Variants in ESRRG observed in about 807,000 individuals in gnomAD.
The protein encoded by ESRRG is estrogen related receptor gamma, also known as estrogen-related receptor gamma.
Under a neutral mutation model 44.0 loss-of-function variants are expected in ESRRG, and 13 were observed. The ratio of observed to expected loss-of-function variants is 0.30; its 90% CI spans 0.19 to 0.47. ESRRG has a LOEUF of 0.47. ESRRG is among the 20% of genes least tolerant of loss of function. ESRRG has a pLI of 1.00. For synonymous variants in ESRRG, 215 were observed against 214.6 expected, an observed-to-expected ratio of 1.00 and a Z score of -0.02; for missense variants, 395 against 580.6, an observed-to-expected ratio of 0.68 and a Z score of 3.29.
At chr1:216,727,821 A>T (rs928744097), upstream of ESRRG, among the ~76,000 whole-genome samples, 1 of 152,140 alleles carries the variant, frequency 6.6e-6, no homozygotes, top group Admixed American at 6.6e-5. Context: ...TATAAAAAAA[A>T]GCCCATTCTC....
intron 5 of ESRRG, among the ~76,000 whole-genome samples, chr1:216,548,223 T>C (rs531819997): frequency 6.6e-6 from 1 of 152,216 alleles, no homozygotes; most frequent in African/African-American, 2.4e-5. Context: ...CCTGCCCACC[T>C]GTATGGCATG....
chr1:216,733,674 G>C (rs1212436805), intron 2 of ESRRG, among the ~76,000 whole-genome samples: 1 of 151,928 alleles, frequency 6.6e-6, no homozygotes, highest in Non-Finnish European at 1.5e-5. Context: ...ACAATATTTA[G>C]CAACACAATC....
intron 2 of ESRRG, among the ~76,000 whole-genome samples, chr1:216,797,814 C>T (rs2094514372): frequency 6.6e-6 from 1 of 152,136 alleles, no homozygotes; most frequent in Admixed American, 6.5e-5. Context: ...TGGCCAGCTT[C>T]TCCACTGTAA....
chr1:216,777,246 A>C (rs2093649325), intron 2 of ESRRG, among the ~76,000 whole-genome samples: 1 of 152,142 alleles, frequency 6.6e-6, no homozygotes, highest in Admixed American at 6.6e-5. Context: ...CTACTCCTCC[A>C]GCAGTGAGGA....
chr1:216,882,645 A>T (rs2576264), intron 2 of ESRRG, among the ~76,000 whole-genome samples: 1 of 151,996 alleles, frequency 6.6e-6, no homozygotes, highest in Non-Finnish European at 1.5e-5. Context: ...TAGGATTTCA[A>T]CTGTATTTGG....
At chr1:216,707,219 A>G in intron 1 of ESRRG, 1 of 911,518 alleles carries the variant, frequency 1.1e-6, no homozygotes, top group South Asian at 1.7e-5. Context: ...ACTGTCTTAC[A>G]TGATCTTTAA....
intron 1 of ESRRG, among the ~76,000 whole-genome samples, chr1:216,945,236 G>GA (rs1460168038): frequency 6.6e-6 from 1 of 152,046 alleles, no homozygotes; most frequent in Non-Finnish European, 1.5e-5. Flanking sequence ...GATGAGAAGA[G>GA]AGAGTGCTGA....
intron 5 of ESRRG, among the ~76,000 whole-genome samples, chr1:216,563,893 A>G (rs2059227211): frequency 6.6e-6 from 1 of 152,172 alleles, no homozygotes; most frequent in Admixed American, 6.5e-5. Flanking sequence ...AGTGAAAAGA[A>G]AAAGTAGAAG....
intron 3 of ESRRG, among the ~76,000 whole-genome samples, chr1:216,595,247 G>T (rs1395982058): frequency 6.6e-6 from 1 of 152,114 alleles, no homozygotes; most frequent in Non-Finnish European, 1.5e-5. Flanking sequence ...ACCTGGGAAG[G>T]CTTACTTATG....
intron 1 of ESRRG, among the ~76,000 whole-genome samples, chr1:216,708,579 G>C (rs2151945401): frequency 6.6e-6 from 1 of 152,274 alleles, no homozygotes; most frequent in Middle Eastern, 3.4e-3. Flanking sequence ...TGCTGGAGAG[G>C]ATGTGGAGAA....
At chr1:217,036,000 G>C (rs906955347) in intron 1 of ESRRG, among the ~76,000 whole-genome samples, 1 of 152,134 alleles carries the variant, frequency 6.6e-6, no homozygotes, top group African/African-American at 2.4e-5. Context: ...AATGGACAAA[G>C]GACATGAACA....
Position 217,053,692 on chromosome 1 carries a change from G to C in ESRRG, c.-106+35815C>G, listed in dbSNP as rs116264452. Among the ~76,000 whole-genome samples, 1,131 of 152,162 alleles carry C rather than the reference G, an allele frequency of 7.4e-3. 18 individuals are homozygous for C. The highest frequency in any genetic ancestry group is 0.026 in the African/African-American group (1,077 of 41,516). On this transcript the variant is annotated intron_variant, in intron 1 of 7. Coordinates refer to the ESRRG transcript ENST00000359162. Reference sequence around the variant, plus strand: ...GCATGACAAATAAATTATTGGCCTGGTTTCTAAAATGTGGTAGTTGTTTTG... The same window carrying C: ...GCATGACAAATAAATTATTGGCCTGCTTTCTAAAATGTGGTAGTTGTTTTG...
At chr1:216,895,231 G>A (rs999322955) in intron 2 of ESRRG, among the ~76,000 whole-genome samples, 3 of 152,138 alleles carry the variant, frequency 2.0e-5, no homozygotes, top group Admixed American at 1.3e-4. Context: ...AGACCCTGTC[G>A]CCATTCCTTT....
chr1:217,104,086 C>T (rs2151572792), intron 1 of ESRRG, among the ~76,000 whole-genome samples: 1 of 152,308 alleles, frequency 6.6e-6, no homozygotes, highest in African/African-American at 2.4e-5. Context: ...CCAAAACATC[C>T]TCTAATGTTG....
rs114433992 is a variant in ESRRG at position 217,029,023 on chromosome 1, A to G, written c.-106+60484T>C. Among the ~76,000 whole-genome samples the G allele has an allele frequency of 7.6e-3, 1,150 of 151,746 alleles. 14 individuals carry two copies. Among genetic ancestry groups the G allele is most frequent in the African/African-American group, 0.027 (1,102 of 41,312 alleles). ...AATTCAAAAGTAATTGTGTACCATT[A>G]CAGCTCAGAGTTTAAAATGAGCTCT... On this transcript the variant is annotated intron_variant, in intron 1 of 7. Coordinates refer to the ESRRG transcript ENST00000359162.
At chr1:216,895,257 T>C (rs1206771265) in intron 2 of ESRRG, among the ~76,000 whole-genome samples, 1 of 152,094 alleles carries the variant, frequency 6.6e-6, no homozygotes, top group Non-Finnish European at 1.5e-5. Context: ...GTGAGGAAAA[T>C]TACTTAGAAA....
chr1:217,097,137 C>T (rs543030375), intron 1 of ESRRG, among the ~76,000 whole-genome samples: 9 of 152,218 alleles, frequency 5.9e-5, no homozygotes, highest in Admixed American at 1.3e-4. Flanking sequence ...ATCAGGATTG[C>T]GAATAGGGCT....
At chr1:216,758,347 T>C (rs2092581505) in intron 2 of ESRRG, among the ~76,000 whole-genome samples, 1 of 152,068 alleles carries the variant, frequency 6.6e-6, no homozygotes. Context: ...CGCTCCACCA[T>C]TCGGCTGCAG....
In ESRRG at chr1:216,541,838, T is replaced by C. The variant is rs534054159; in HGVS notation, c.862+22381A>G. On this transcript the variant is annotated intron_variant, in intron 5 of 6. Transcript: ENST00000408911. ...TTTTTCTCAGATAGTCCATTTACCT[T>C]TATCCTGAAAATCGTGACTCACACC... is the stretch of plus-strand genomic sequence containing the variant. Among the ~76,000 whole-genome samples the C allele has an allele frequency of 2.0e-5, 3 of 152,036 alleles. No individual in the cohort carries two copies. In the East Asian group the frequency reaches 5.8e-4, roughly 30 times the overall value.
Sources: gnomAD v4.1 joint callset for allele counts (sites outside exome capture counted in the v4.1 genomes callset) on GRCh38, gnomAD v4.1.1 for gene constraint, MANE v1.5 for transcripts, NCBI Gene and HGNC (gene_info 2026-07-23, HGNC 2026-07-21) for gene names.